DPYD: variants seen among roughly 807,000 people sequenced by gnomAD.
The protein encoded by DPYD is dihydropyrimidine dehydrogenase.
In DPYD, 109 loss-of-function variants were observed where a neutral mutation model predicts 116.2. That is an observed-to-expected ratio of 0.94 (90% confidence interval 0.80 to 1.10). The LOEUF is 1.10. Ranked by LOEUF, DPYD falls within the 50% of genes least tolerant of loss-of-function variation. The pLI is 0.00. For synonymous variants in DPYD, 440 were observed against 432.0 expected, an observed-to-expected ratio of 1.02 and a Z score of -0.23; for missense variants, 1,302 against 1,254.5, an observed-to-expected ratio of 1.04 and a Z score of -0.57.
chr1:97,201,907 CTTT>C (rs56009010), intron 19 of DPYD, among the ~76,000 whole-genome samples: 1 of 142,362 alleles, frequency 7.0e-6, no homozygotes. Flanking sequence ...TCTCAAGCAG[CTTT>C]TTTTTTTTTT....
At chr1:97,110,127 G>C (rs1379493307) in intron 20 of DPYD, among the ~76,000 whole-genome samples, 1 of 152,030 alleles carries the variant, frequency 6.6e-6, no homozygotes, top group Non-Finnish European at 1.5e-5. Context: ...AGTTTTTGGT[G>C]TTTTAGGAAA....
chr1:97,373,758 T>C (rs1345865240), intron 15 of DPYD, 114 bp from the exon 16 acceptor site: 3 of 889,550 alleles, frequency 3.4e-6, no homozygotes, highest in Non-Finnish European at 5.4e-6. Context: ...TTCTGTTTTC[T>C]GCATCACAGC....
intron 20 of DPYD, among the ~76,000 whole-genome samples, chr1:97,128,259 G>A (rs367572694): frequency 4.5e-4 from 69 of 152,254 alleles, no homozygotes; most frequent in African/African-American, 1.6e-3. Context: ...GGCTATTACA[G>A]AAACATACAT....
chr1:97,820,561 G>GGCT (rs1221265771), intron 3 of DPYD, among the ~76,000 whole-genome samples: 1 of 152,152 alleles, frequency 6.6e-6, no homozygotes, highest in Non-Finnish European at 1.5e-5. Flanking sequence ...CTGTATAAAT[G>GGCT]GCTGTTTATG....
intron 8 of DPYD, among the ~76,000 whole-genome samples, chr1:97,598,638 A>G (rs903743240): frequency 1.3e-5 from 2 of 151,956 alleles, no homozygotes; most frequent in African/African-American, 4.8e-5. Context: ...GGAGGGAGGA[A>G]CGAAGGAAGG....
At chr1:97,351,080 G>A (rs1301084048) in intron 16 of DPYD, among the ~76,000 whole-genome samples, 2 of 152,088 alleles carry the variant, frequency 1.3e-5, no homozygotes, top group African/African-American at 4.8e-5. Context: ...ATCCTCTAAG[G>A]AAGCAAGTGT....
At chr1:97,890,656 A>G (rs1672729398) in intron 1 of DPYD, among the ~76,000 whole-genome samples, 1 of 151,972 alleles carries the variant, frequency 6.6e-6, no homozygotes, top group Admixed American at 6.6e-5. Flanking sequence ...GTTTTCAACC[A>G]TTACTAATCT....
chr1:97,743,355 C>T (rs537420979), intron 3 of DPYD, among the ~76,000 whole-genome samples: 16 of 152,186 alleles, frequency 1.1e-4, no homozygotes, highest in Non-Finnish European at 7.4e-5. Flanking sequence ...ATCAGGCTGC[C>T]ATTAATCCCA....
At chr1:97,807,583 T>C (rs889958522) in intron 3 of DPYD, among the ~76,000 whole-genome samples, 8 of 152,120 alleles carry the variant, frequency 5.3e-5, no homozygotes, top group Non-Finnish European at 1.2e-4. Context: ...AACCAGTCTG[T>C]AGCTTATCTT....
chr1:97,133,867 C>A (rs371680653), intron 20 of DPYD, among the ~76,000 whole-genome samples: 2 of 150,438 alleles, frequency 1.3e-5, no homozygotes, highest in South Asian at 4.2e-4. Context: ...GGTGTTACGG[C>A]ATGCGCCTGT....
chr1:97,822,776 C>T (rs1260529699), intron 3 of DPYD, among the ~76,000 whole-genome samples: 1 of 151,918 alleles, frequency 6.6e-6, no homozygotes, highest in Non-Finnish European at 1.5e-5. Context: ...AAACTTCCCA[C>T]CAAACTGCAT....
At chr1:97,575,792 A>C (rs1218895983) in intron 10 of DPYD, among the ~76,000 whole-genome samples, 1 of 152,228 alleles carries the variant, frequency 6.6e-6, no homozygotes, top group African/African-American at 2.4e-5. Flanking sequence ...TGGGGAGAAC[A>C]CCATCTCATT....
intron 18 of DPYD, among the ~76,000 whole-genome samples, chr1:97,281,626 C>T (rs763741466): frequency 4.8e-4 from 73 of 151,890 alleles, no homozygotes; most frequent in Non-Finnish European, 7.1e-4. Context: ...TCTAAAGTTT[C>T]TCAGAATGCT....
intron 21 of DPYD, among the ~76,000 whole-genome samples, chr1:97,084,418 C>T (rs773954222): frequency 3.3e-5 from 5 of 151,912 alleles, no homozygotes; most frequent in Admixed American, 1.3e-4. Context: ...AATGTGAGGA[C>T]GTGATCTCTC....
intron 12 of DPYD, among the ~76,000 whole-genome samples, chr1:97,535,331 T>G (rs1283259167): frequency 6.6e-6 from 1 of 152,190 alleles, no homozygotes; most frequent in Admixed American, 6.5e-5. Context: ...TTTATTGTGC[T>G]ACATTGCCAT....
intron 4 of DPYD, among the ~76,000 whole-genome samples, chr1:97,736,709 T>C (rs921568136): frequency 6.6e-6 from 1 of 152,092 alleles, no homozygotes; most frequent in Non-Finnish European, 1.5e-5. Context: ...TGGCAGGTCA[T>C]CTGTAATGAA....
At chr1:97,142,028 T>C (rs1303123672) in intron 20 of DPYD, among the ~76,000 whole-genome samples, 1 of 152,198 alleles carries the variant, frequency 6.6e-6, no homozygotes, top group Non-Finnish European at 1.5e-5. Context: ...TTTGATTGAC[T>C]CTTTGTTAGG....
chr1:97,885,087 T>C (rs1032274432), intron 1 of DPYD, among the ~76,000 whole-genome samples: 2 of 152,032 alleles, frequency 1.3e-5, no homozygotes, highest in Non-Finnish European at 2.9e-5. Flanking sequence ...AGTAATCCTC[T>C]GTCCATGATT....
chr1:97,584,651 G>T (rs1432825399), intron 10 of DPYD, among the ~76,000 whole-genome samples: 2 of 151,732 alleles, frequency 1.3e-5, no homozygotes, highest in Non-Finnish European at 2.9e-5. Context: ...CCTTTGCAGG[G>T]ACATGGATGA....
Sources: allele counts gnomAD v4.1 joint callset (sites outside exome capture counted in the v4.1 genomes callset), GRCh38; gene constraint gnomAD v4.1.1; transcripts MANE v1.5; gene names NCBI Gene and HGNC (gene_info 2026-07-23, HGNC 2026-07-21).